POLQ: variants seen among roughly 807,000 people sequenced by gnomAD.
The protein encoded by POLQ is epididymis secretory sperm binding protein.
Under a neutral mutation model 259.2 loss-of-function variants are expected in POLQ, and 233 were observed. That is an observed-to-expected ratio of 0.90 (90% confidence interval 0.81 to 1.00). The LOEUF is 1.00. Ranked by LOEUF, POLQ falls within the 50% of genes least tolerant of loss-of-function variation. The pLI is 0.00. For missense variants in POLQ, 2,871 were observed against 3,051.6 expected (o/e 0.94, Z 1.39); for synonymous variants, 1,025 against 1,048.8 (o/e 0.98, Z 0.44).
rs761269949 is a variant in POLQ, at chr3:121,449,302, G to C, written c.7264+13C>G. 8.2e-7 allele frequency: 1 copy of C among 1,221,158 alleles called. No individual in the cohort carries two copies. Among genetic ancestry groups the C allele is most frequent in the Non-Finnish European group, 1.2e-6 (1 of 823,568 alleles). The allele number at this position is 1,221,158 out of a possible 1,614,324, so 75.6% of individuals were successfully genotyped here. A position where few individuals can be genotyped will look rare whatever the true frequency, so the allele number is the denominator to read the frequency against. On this transcript the variant is annotated intron_variant, in intron 26 of 29. Coordinates refer to ENST00000264233, the MANE Select transcript of POLQ (RefSeq NM_199420.4). Reference sequence around the variant, plus strand: ...AGATGGTTGAAAAGAATACTATCTAGAAGATAAATTACCTGTGTATCTGGA... The same window carrying C: ...AGATGGTTGAAAAGAATACTATCTACAAGATAAATTACCTGTGTATCTGGA...
intron 26 of POLQ, among the ~76,000 whole-genome samples, chr3:121,441,730 A>C (rs939047001): frequency 2.6e-5 from 4 of 152,136 alleles, no homozygotes; most frequent in Admixed American, 1.3e-4. Context: ...ACATGCTTTC[A>C]TTTTTCTTGC....
intron 9 of POLQ, among the ~76,000 whole-genome samples, chr3:121,516,213 A>G (rs951667021): frequency 6.6e-6 from 1 of 152,148 alleles, no homozygotes; most frequent in Admixed American, 6.6e-5. Context: ...TGCATTGTAT[A>G]CAGATAGCAT....
chr3:121,445,326 A>C (rs2047623818), intron 26 of POLQ, among the ~76,000 whole-genome samples: 1 of 152,162 alleles, frequency 6.6e-6, no homozygotes, highest in African/African-American at 2.4e-5. Context: ...TAGACTGTTC[A>C]GGTTTTAGAT....
chr3:121,529,801 GA>G lies in POLQ; in HGVS notation c.961-10del. ...ACATGGTCCTCATCTCCCTAAAACAGAAAGATAAATAACCACTTTAGTGGTC... is the reference window on the plus strand; with the variant it reads ...ACATGGTCCTCATCTCCCTAAAACAGAAGATAAATAACCACTTTAGTGGTC... On this transcript the variant is annotated splice_polypyrimidine_tract_variant and intron_variant, in intron 6 of 29. Coordinates refer to ENST00000264233, the MANE Select transcript of POLQ (RefSeq NM_199420.4). The G allele has an allele frequency of 6.3e-7, 1 of 1,595,752 alleles. No individual in the cohort carries two copies.
intron 27 of POLQ, among the ~76,000 whole-genome samples, chr3:121,437,056 T>A (rs2047549791): frequency 6.6e-6 from 1 of 152,090 alleles, no homozygotes; most frequent in African/African-American, 2.4e-5. Context: ...ATGAGAGGTA[T>A]TCTCTAGTCC....
At chr3:121,484,996 G>A in intron 17 of POLQ, 45 bp downstream of exon 17, 1 of 1,399,450 alleles carries the variant, frequency 7.1e-7, no homozygotes, top group South Asian at 1.3e-5. Context: ...CCTAATGGAT[G>A]TTACAGTAAT....
At chr3:121,465,230 T>C (rs907413886) in intron 24 of POLQ, among the ~76,000 whole-genome samples, 1 of 152,006 alleles carries the variant, frequency 6.6e-6, no homozygotes, top group Non-Finnish European at 1.5e-5. Context: ...TAGCTGGGAC[T>C]ACAGGTGCGC....
intron 5 of POLQ, 91 bp downstream of exon 5, chr3:121,537,009 C>T (rs1413309108): frequency 2.8e-6 from 2 of 708,438 alleles, no homozygotes; most frequent in Middle Eastern, 2.4e-4. Flanking sequence ...ATTACACTCC[C>T]TTAATTTATT....
chr3:121,440,409 C>A (rs1160862517), intron 26 of POLQ, among the ~76,000 whole-genome samples: 1 of 152,176 alleles, frequency 6.6e-6, no homozygotes, highest in African/African-American at 2.4e-5. Flanking sequence ...TCATGGTTCA[C>A]TGCAGCCTGG....
rs771339466 is a variant in POLQ at position 121,489,883 on chromosome 3, A to G, written c.3048T>C (p.Val1016=). Residue 1016 remains valine (V), a synonymous_variant, in exon 16 of 30, where the codon GTT becomes GTC. Transcript: ENST00000264233. ...NEGKTSDKKV[V]QTFSQKTKKA... ...TTTTTGTTTTCTGTGAAAAAGTCTGAACAACTTTCTTATCACTTGTTTTCC... is the reference window on the plus strand; with the variant it reads ...TTTTTGTTTTCTGTGAAAAAGTCTGGACAACTTTCTTATCACTTGTTTTCC... The G allele has an allele frequency of 1.2e-6, 2 of 1,603,986 alleles. No individual in the cohort carries two copies. The highest frequency in any genetic ancestry group is 1.7e-6 in the Non-Finnish European group (2 of 1,177,716).
In POLQ at chr3:121,493,520, A is replaced by G. The variant is rs2048088470; in HGVS notation, c.2480T>C (p.Val827Ala). 7 of 1,613,740 alleles carry G rather than the reference A, an allele frequency of 4.3e-6. No homozygotes were observed. The highest frequency in any genetic ancestry group is 5.9e-6 in the Non-Finnish European group (7 of 1,179,798). The change falls in exon 15 of 30, where the codon GTG becomes GCG. Residue 827 changes from valine (V) to alanine (A), a missense_variant. Physicochemically the swap from Val to Ala is moderately conservative, Grantham distance 64. Transcript: ENST00000264233. ...TVADLARANI[V>A]EVEVILKNAV... ...ATTTTTCAGAATCACCTCCACCTCC[A>G]CAATATTTGCTCTAGCAAGGTCTGC...
Position 121,501,430 on chromosome 3 carries a change from C to T in POLQ, c.1960-2760G>A, listed in dbSNP as rs371481110. Among the ~76,000 whole-genome samples, 21 of 147,304 alleles carry T rather than the reference C, an allele frequency of 1.4e-4. No homozygotes were observed. The East Asian group carries it at 2.1e-3, about 15-fold the overall frequency. Reference sequence around the variant, plus strand: ...ATCCCAGCACTTTGGGAGGCCGAGGCGGGCGGATCACGAGGTCAGGAGATC... The same window carrying T: ...ATCCCAGCACTTTGGGAGGCCGAGGTGGGCGGATCACGAGGTCAGGAGATC... On this transcript the variant is annotated intron_variant, in intron 12 of 29. Transcript: ENST00000264233.
chr3:121,496,807 C>T lies in POLQ; in HGVS notation c.2278+1G>A. 2 of 1,607,832 alleles carry T rather than the reference C, an allele frequency of 1.2e-6. No individual in the cohort carries two copies. Among genetic ancestry groups the T allele is most frequent in the Non-Finnish European group, 1.7e-6 (2 of 1,178,766 alleles). ...AATGTGAAACCCTTTGTTTAACTGA[C>T]CTGCATAAACAGCAGCTGACTGTTG... On this transcript the variant is annotated splice_donor_variant, in intron 14 of 29. Transcript: ENST00000264233. LOFTEE classifies it high-confidence loss of function.
At chr3:121,438,318 C>CTTATT (rs1255221361) in intron 27 of POLQ, among the ~76,000 whole-genome samples, 2 of 152,102 alleles carry the variant, frequency 1.3e-5, no homozygotes, top group Non-Finnish European at 2.9e-5. Flanking sequence ...TCTTCAGGTA[C>CTTATT]AATAATATTA....
chr3:121,445,792 G>A (rs1015882070), intron 26 of POLQ, among the ~76,000 whole-genome samples: 2 of 151,722 alleles, frequency 1.3e-5, no homozygotes, highest in African/African-American at 4.8e-5. Flanking sequence ...GAACCCAGGA[G>A]GCAGATGTTG....
intron 22 of POLQ, 104 bp downstream of exon 22, chr3:121,471,886 C>T (rs1469842904): frequency 1.8e-6 from 1 of 552,522 alleles, no homozygotes; most frequent in Non-Finnish European, 3.0e-6. Flanking sequence ...TTCACCGAAC[C>T]CCTTGATCAA....
intron 28 of POLQ, among the ~76,000 whole-genome samples, chr3:121,434,423 A>C (rs1049901364): frequency 6.6e-6 from 1 of 152,216 alleles, no homozygotes; most frequent in African/African-American, 2.4e-5. Context: ...TCCTTTCTTA[A>C]ATAGAACTTA....
At chr3:121,464,127 A>G (rs1304906189) in intron 24 of POLQ, among the ~76,000 whole-genome samples, 3 of 152,242 alleles carry the variant, frequency 2.0e-5, no homozygotes, top group Non-Finnish European at 4.4e-5. Context: ...TTTTTGACTG[A>G]TATCACACAG....
At chr3:121,464,845 T>G (rs956144735) in intron 24 of POLQ, among the ~76,000 whole-genome samples, 4 of 152,154 alleles carry the variant, frequency 2.6e-5, no homozygotes, top group African/African-American at 7.2e-5. Flanking sequence ...TATTCCAAAA[T>G]CTGAAATACT....
Sources: allele counts gnomAD v4.1 joint callset (sites outside exome capture counted in the v4.1 genomes callset), GRCh38; gene constraint gnomAD v4.1.1; transcripts MANE v1.5; gene names NCBI Gene and HGNC (gene_info 2026-07-23, HGNC 2026-07-21).